Variants in SLC13A4 observed in about 807,000 individuals in gnomAD.
SLC13A4 encodes the protein Na(+)/sulfate cotransporter SUT-1.
A neutral mutation model predicts 72.7 loss-of-function variants in SLC13A4; 28 were observed. That is an observed-to-expected ratio of 0.39 (90% CI 0.29 to 0.53). The LOEUF is 0.53. SLC13A4 is among the 20% of genes least tolerant of loss of function. The pLI is 0.78. For synonymous variants in SLC13A4, 312 were observed against 325.5 expected, an observed-to-expected ratio of 0.96 and a Z score of 0.45; for missense variants, 653 against 788.0, an observed-to-expected ratio of 0.83 and a Z score of 2.05.
Position 135,715,378 on chromosome 7 carries a change from T to A in SLC13A4, c.228+6017A>T, listed in dbSNP as rs541134655. Among the ~76,000 whole-genome samples the A allele has an allele frequency of 4.5e-4, 38 of 83,832 alleles. 1 individual carries two copies. The East Asian group carries it at 0.01, about 22-fold the overall frequency. The allele number at this position is 83,832 out of a possible 152,430, so 55.0% of individuals were successfully genotyped here. On this transcript the variant is annotated intron_variant, in intron 2 of 15. Transcript: ENST00000682651. ...GTATGAGTGTATGTGTATGAGTGTGTGAGTGTGTATGTGTGAACATGTGTG... is the reference window on the plus strand; with the variant it reads ...GTATGAGTGTATGTGTATGAGTGTGAGAGTGTGTATGTGTGAACATGTGTG...
At chr7:135,719,059 C>G (rs957804614) in intron 2 of SLC13A4, among the ~76,000 whole-genome samples, 1 of 152,216 alleles carries the variant, frequency 6.6e-6, no homozygotes, top group African/African-American at 2.4e-5. Flanking sequence ...CAGGTGGATT[C>G]GGATTTTTCA....
intron 15 of SLC13A4, among the ~76,000 whole-genome samples, chr7:135,682,652 A>G (rs776849932): frequency 7.2e-5 from 11 of 152,210 alleles, no homozygotes; most frequent in Admixed American, 1.3e-4. Context: ...AAGGAGTGTT[A>G]GAGTTGAAAG....
At chr7:135,692,156 A>G in intron 11 of SLC13A4, 167 bp downstream of exon 11, 1 of 637,656 alleles carries the variant, frequency 1.6e-6, no homozygotes, top group Non-Finnish European at 2.8e-6. Flanking sequence ...GGGACTCCAA[A>G]GAGTGTTTTT....
chr7:135,699,453 G>A lies in SLC13A4; in HGVS notation c.810C>T (p.Ser270=). ...HHDQMICKCL[S]LSISYSATIG... is the part of the protein sequence containing the mutation. ...TGGTAGCGGAGTAGGATATGCTCAGGGAGAGGCACTTGCAGATCATCTGGT... is the reference window on the plus strand; with the variant it reads ...TGGTAGCGGAGTAGGATATGCTCAGAGAGAGGCACTTGCAGATCATCTGGT... The change falls in exon 8 of 16, where the codon TCC becomes TCT. Residue 270 remains serine, a synonymous_variant. Coordinates refer to ENST00000682651, the MANE Select transcript of SLC13A4 (RefSeq NM_001318192.2). The A allele has an allele frequency of 6.2e-7, 1 of 1,613,396 alleles. No homozygotes were observed. Among genetic ancestry groups the A allele is most frequent in the African/African-American group, 1.3e-5 (1 of 75,034 alleles).
chr7:135,696,956 A>T (rs544134914), intron 8 of SLC13A4, among the ~76,000 whole-genome samples: 1 of 152,122 alleles, frequency 6.6e-6, no homozygotes, highest in Non-Finnish European at 1.5e-5. Context: ...CTGCTGTCTG[A>T]TATTGTTTCC....
intron 3 of SLC13A4, chr7:135,707,687 T>G: frequency 6.3e-6 from 1 of 158,198 alleles, no homozygotes; most frequent in Non-Finnish European, 1.4e-5. Flanking sequence ...GTCTGTGGTC[T>G]GAACTGATGA....
intron 8 of SLC13A4, 80 bp from the exon 9 acceptor site, chr7:135,695,567 C>G: frequency 4.0e-6 from 6 of 1,482,908 alleles, no homozygotes; most frequent in Non-Finnish European, 3.7e-6. Flanking sequence ...CCAAATGCTC[C>G]CTAAAACATA....
At chr7:135,694,105 AG>A in intron 10 of SLC13A4, 31 bp downstream of exon 10, 1 of 1,301,566 alleles carries the variant, frequency 7.7e-7, no homozygotes, top group Non-Finnish European at 1.1e-6. Flanking sequence ...TTTCTGCTGG[AG>A]AAGGAGGGAA....
In SLC13A4 at chr7:135,713,884, CA is replaced by C. The variant is rs796953235; in HGVS notation, c.229-5635del. Among the ~76,000 whole-genome samples the C allele has an allele frequency of 7.7e-4, 117 of 152,326 alleles. 1 individual carries two copies. Among genetic ancestry groups the C allele is most frequent in the African/African-American group, 2.7e-3 (113 of 41,574 alleles). On this transcript the variant is annotated intron_variant, in intron 2 of 15. Coordinates refer to ENST00000682651, the MANE Select transcript of SLC13A4 (RefSeq NM_001318192.2). The stretch of plus-strand genomic sequence containing the variant: ...GCCACTGTGCCCAGCCTCATCTGAA[CA>C]ATTTTGCAGTGAAATTCTCTGAACC...
At chr7:135,719,784 T>C (rs1230422069) in intron 2 of SLC13A4, among the ~76,000 whole-genome samples, 1 of 136,428 alleles carries the variant, frequency 7.3e-6, no homozygotes, top group Non-Finnish European at 1.5e-5. Context: ...ATGCCACATG[T>C]GTGTGTGTGT....
chr7:135,723,579 G>T (rs186627360), intron 1 of SLC13A4, among the ~76,000 whole-genome samples: 9 of 152,324 alleles, frequency 5.9e-5, no homozygotes, highest in African/African-American at 2.2e-4. Context: ...ACTCGTGTCT[G>T]ATTTGCCCTG....
rs1554480020 is a variant in SLC13A4, at chr7:135,719,805, G to GTGTGTGTGTGTGTGTGTA, written c.228+1589_228+1590insTACACACACACACACACA. On this transcript the variant is annotated intron_variant, in intron 2 of 15. Transcript: ENST00000682651. ...CATGTGTGTGTGTGTGTGTGTGTAT[G>GTGTGTGTGTGTGTGTGTA]TGTGTGTGTGTGTGTGTGTGTGTAT... Among the ~76,000 whole-genome samples the GTGTGTGTGTGTGTGTGTA allele has an allele frequency of 5.4e-4, 59 of 109,044 alleles. No homozygotes were observed. The South Asian group carries it at 5.9e-3, about 11-fold the overall frequency. 71.5% of individuals were successfully genotyped at this position (109,044 alleles called of 152,430 possible).
At chr7:135,694,572 A>G (rs1795860741) in intron 9 of SLC13A4, among the ~76,000 whole-genome samples, 2 of 152,208 alleles carry the variant, frequency 1.3e-5, no homozygotes. Context: ...AATCAGTGTA[A>G]TGTGGTATAT....
intron 2 of SLC13A4, among the ~76,000 whole-genome samples, chr7:135,715,061 AATGTGTGTGTGTATG>A (rs1364635550): frequency 2.3e-5 from 3 of 130,562 alleles, no homozygotes; most frequent in East Asian, 2.3e-4. Flanking sequence ...TGTGTATGTG[AATGTGTGTGTGTATG>A]ATGTGTGTGT....
intron 15 of SLC13A4, among the ~76,000 whole-genome samples, chr7:135,682,119 C>T (rs1005164093): frequency 6.6e-6 from 1 of 152,178 alleles, no homozygotes; most frequent in Non-Finnish European, 1.5e-5. Flanking sequence ...TTACATGAAG[C>T]CTTTGCTACT....
chr7:135,707,476 G>C (rs1174075765), intron 3 of SLC13A4: 2 of 152,182 alleles, frequency 1.3e-5, no homozygotes, highest in African/African-American at 4.8e-5. Flanking sequence ...ATAGGAGTCA[G>C]GGCAGCTTAC....
intron 11 of SLC13A4, 109 bp from the exon 12 acceptor site, chr7:135,691,754 T>C: frequency 2.8e-6 from 2 of 708,840 alleles, no homozygotes; most frequent in South Asian, 3.6e-5. Flanking sequence ...AGGACTTATC[T>C]AGAGGTAACA....
At position 135,727,465 on chromosome 7, in the gene SLC13A4, C is replaced by T; in HGVS notation, c.32G>A (p.Arg11Gln). The T allele has an allele frequency of 3.2e-6, 5 of 1,550,430 alleles. No individual in the cohort carries two copies. Among genetic ancestry groups the T allele is most frequent in the East Asian group, 4.9e-5 (2 of 40,910 alleles). ...GACGCAGACGACCAGCAGCAGCTTC[C>T]GGACTCGGAGCAGGCCCTGCAGCAG... MGLLQGLLRVRKLLLVVCVPL... is the reference protein window; with the variant it reads MGLLQGLLRVQKLLLVVCVPL... Residue 11 changes from arginine (R) to glutamine (Q), a missense_variant, in exon 1 of 16, where the codon CGG becomes CAG. Coordinates refer to ENST00000682651, the MANE Select transcript of SLC13A4 (RefSeq NM_001318192.2).
At chr7:135,715,311 A>G (rs1346481455) in intron 2 of SLC13A4, among the ~76,000 whole-genome samples, 1 of 125,684 alleles carries the variant, frequency 8.0e-6, no homozygotes, top group Admixed American at 8.1e-5. Context: ...ATATCTAAGC[A>G]TGTGTATGTG....
Sources: allele counts gnomAD v4.1 joint callset (sites outside exome capture counted in the v4.1 genomes callset), GRCh38; gene constraint gnomAD v4.1.1; transcripts MANE v1.5; gene names NCBI Gene and HGNC (gene_info 2026-07-23, HGNC 2026-07-21).